Variants in ST7 observed in about 807,000 individuals in gnomAD.
ST7 encodes the protein suppressor of tumorigenicity 7 protein.
A neutral mutation model predicts 78.7 loss-of-function variants in ST7; 28 were observed. The observed-to-expected ratio is 0.36, with a 90% CI of 0.26 to 0.49. The LOEUF (loss-of-function observed/expected upper bound fraction) is 0.49, where lower values mean the gene tolerates loss of function less well. Ranked by LOEUF, ST7 falls within the 20% of genes least tolerant of loss-of-function variation. The probability of loss-of-function intolerance (pLI) is 0.99; values close to 1 mark genes in which losing one functional copy is unlikely to be tolerated. For synonymous variants in ST7, 247 were observed against 249.6 expected, an observed-to-expected ratio of 0.99 and a Z score of 0.10; for missense variants, 418 against 696.0, an observed-to-expected ratio of 0.60 and a Z score of 4.49.
At chr7:117,117,167 A>G (rs930831782) in intron 2 of ST7, among the ~76,000 whole-genome samples, 3 of 152,162 alleles carry the variant, frequency 2.0e-5, no homozygotes, top group Non-Finnish European at 2.9e-5. Context: ...CTCATTCTGC[A>G]TCTGTAAGTG....
At chr7:116,994,936 G>T (rs1468068098) in intron 1 of ST7, among the ~76,000 whole-genome samples, 1 of 151,992 alleles carries the variant, frequency 6.6e-6, no homozygotes, top group African/African-American at 2.4e-5. Context: ...CTTCTTTCCT[G>T]GGAGGTAATC....
In ST7 at chr7:116,953,707, C is replaced by T. The variant is rs1792262736; in HGVS notation, c.151+16C>T. On this transcript the variant is annotated intron_variant, in intron 1 of 15. Coordinates refer to ENST00000323984, the MANE Select transcript of ST7 (RefSeq NM_001369598.1). ...TTGAGCACAGGTAAGGCCTGGGAGC[C>T]GGGCCCGCGGCGCCCACCCCTCCCC... 2.1e-6 allele frequency: 3 copies of T among 1,427,486 alleles called. 1 individual carries two copies. Among genetic ancestry groups the T allele is most frequent in the Admixed American group, 4.1e-5 (2 of 48,552 alleles). The allele number at this position is 1,427,486 out of a possible 1,614,324, so 88.4% of individuals were successfully genotyped here. A position where few individuals can be genotyped will look rare whatever the true frequency, so the allele number is the denominator to read the frequency against.
chr7:117,146,691 G>C (rs1367536028), intron 9 of ST7, among the ~76,000 whole-genome samples: 1 of 152,150 alleles, frequency 6.6e-6, no homozygotes, highest in East Asian at 1.9e-4. Flanking sequence ...TAATTAATCA[G>C]ATATGCAGTA....
intron 9 of ST7, among the ~76,000 whole-genome samples, chr7:117,163,444 G>GTTAT (rs1161250964): frequency 2.0e-5 from 3 of 151,966 alleles, no homozygotes; most frequent in Admixed American, 6.6e-5. Context: ...AGTGTTTGTT[G>GTTAT]TTATTTATTT....
chr7:117,203,779 G>A (rs912218227), intron 12 of ST7, among the ~76,000 whole-genome samples: 1 of 151,952 alleles, frequency 6.6e-6, no homozygotes, highest in Non-Finnish European at 1.5e-5. Flanking sequence ...CATCAAGGTG[G>A]GGACCTGGCC....
At chr7:117,227,241 C>T (rs7788285) in intron 15 of ST7, among the ~76,000 whole-genome samples, 44,323 of 152,072 alleles carry the variant, frequency 0.29, 7,007 homozygotes, top group Non-Finnish European at 0.35. Flanking sequence ...TATCTAGCTG[C>T]GCTGGCTCAT....
At chr7:117,178,097 T>G (rs894840150) in intron 10 of ST7, among the ~76,000 whole-genome samples, 7 of 152,200 alleles carry the variant, frequency 4.6e-5, no homozygotes, top group Admixed American at 6.5e-5. Flanking sequence ...ATGATATCAT[T>G]TGTTGCCTGA....
chr7:117,195,648 G>A (rs971266345), intron 12 of ST7, among the ~76,000 whole-genome samples: 4 of 152,216 alleles, frequency 2.6e-5, no homozygotes, highest in Non-Finnish European at 5.9e-5. Context: ...AGGAGAAAAA[G>A]CCCCTTATAA....
chr7:117,086,293 A>G (rs78967896), intron 1 of ST7, among the ~76,000 whole-genome samples: 1 of 152,214 alleles, frequency 6.6e-6, no homozygotes, highest in Admixed American at 6.5e-5. Context: ...GTACCTTCTG[A>G]GTTCATGGCA....
Position 117,119,713 on chromosome 7 carries a change from T to C in ST7, c.387T>C (p.Ser129=). The C allele has an allele frequency of 6.2e-7, 1 of 1,611,328 alleles. No homozygotes were observed. The highest frequency in any genetic ancestry group is 2.2e-5 in the East Asian group (1 of 44,834). Residue 129 remains serine (S), a synonymous_variant, in exon 3 of 16, where the codon AGT becomes AGC. Coordinates refer to ENST00000323984, the MANE Select transcript of ST7 (RefSeq NM_001369598.1). ...SNGDSDSNRQ[S]VSECKVWRNP... ...GGGACTCAGATTCCAATAGGCAAAG[T>C]GTCTCAGGTATGGAATTTCCTTCAG... is the stretch of plus-strand genomic sequence containing the variant.
intron 1 of ST7, among the ~76,000 whole-genome samples, chr7:117,068,943 T>G (rs1798780011): frequency 6.6e-6 from 1 of 152,176 alleles, no homozygotes; most frequent in African/African-American, 2.4e-5. Flanking sequence ...GATGCAGATA[T>G]TCTGAGAAGG....
chr7:117,119,453 A>G (rs1803184671), intron 2 of ST7, 108 bp from the exon 3 acceptor site: 16 of 1,091,226 alleles, frequency 1.5e-5, no homozygotes, highest in Non-Finnish European at 2.0e-5. Flanking sequence ...TTTTTGAAAT[A>G]AAATATACTT....
chr7:117,154,853 G>A (rs572707648), intron 9 of ST7, among the ~76,000 whole-genome samples: 4 of 152,248 alleles, frequency 2.6e-5, no homozygotes, highest in African/African-American at 9.6e-5. Context: ...GGAACTTGAG[G>A]AATTGGCAAG....
intron 1 of ST7, among the ~76,000 whole-genome samples, chr7:117,054,012 A>G (rs1264213314): frequency 6.6e-6 from 1 of 151,748 alleles, no homozygotes; most frequent in Non-Finnish European, 1.5e-5. Flanking sequence ...TAATTTTTGT[A>G]TTTTTAGTAG....
At chr7:117,194,006 T>C (rs752521782) in intron 12 of ST7, among the ~76,000 whole-genome samples, 18 of 151,988 alleles carry the variant, frequency 1.2e-4, no homozygotes, top group Non-Finnish European at 2.4e-4. Context: ...ACATAAGGAG[T>C]AGGGAGGAAG....
At chr7:117,026,479 A>G (rs1174985139) in intron 1 of ST7, among the ~76,000 whole-genome samples, 2 of 152,254 alleles carry the variant, frequency 1.3e-5, no homozygotes, top group African/African-American at 4.8e-5. Flanking sequence ...CTGTGCTAGA[A>G]TAGTAAATAA....
At chr7:117,211,778 A>T (rs928656772) in intron 13 of ST7, among the ~76,000 whole-genome samples, 1 of 152,180 alleles carries the variant, frequency 6.6e-6, no homozygotes, top group African/African-American at 2.4e-5. Flanking sequence ...CAGTGGGGAG[A>T]TGATCTGATC....
At chr7:116,971,212 A>G (rs1793400438) in intron 1 of ST7, among the ~76,000 whole-genome samples, 2 of 152,246 alleles carry the variant, frequency 1.3e-5, no homozygotes, top group South Asian at 4.1e-4. Flanking sequence ...AAAATAATAT[A>G]AAATTTAAAA....
intron 1 of ST7, among the ~76,000 whole-genome samples, chr7:117,037,518 A>G (rs1199276748): frequency 6.6e-6 from 1 of 152,168 alleles, no homozygotes; most frequent in South Asian, 2.1e-4. Flanking sequence ...ATCTTTTCAC[A>G]TTGTCCTATT....
Sources: gnomAD v4.1 joint callset for allele counts (sites outside exome capture counted in the v4.1 genomes callset) on GRCh38, gnomAD v4.1.1 for gene constraint, MANE v1.5 for transcripts, NCBI Gene and HGNC (gene_info 2026-07-23, HGNC 2026-07-21) for gene names.